The following LEPR variants were observed in gnomAD, a reference collection of about 807,000 sequenced individuals.
LEPR encodes OB receptor.
Under a neutral mutation model 114.7 loss-of-function variants are expected in LEPR, and 56 were observed. That is an observed-to-expected ratio of 0.49 (90% confidence interval 0.39 to 0.61). The LOEUF (loss-of-function observed/expected upper bound fraction) is 0.61. LEPR is among the 20% of genes least tolerant of loss of function. The pLI is 0.00. For missense variants in LEPR, 1,202 were observed against 1,352.9 expected (o/e 0.89, Z 1.75); for synonymous variants, 443 against 461.4 (o/e 0.96, Z 0.51).
chr1:65,635,306 T>C, intron 19 of LEPR: 2 of 982,962 alleles, frequency 2.0e-6, no homozygotes, highest in Non-Finnish European at 2.4e-6. Flanking sequence ...TATTTTGCAT[T>C]TGTTTTTTCA....
intron 2 of LEPR, 68 bp from the exon 3 acceptor site, chr1:65,565,478 C>A: frequency 6.7e-7 from 1 of 1,494,348 alleles, no homozygotes; most frequent in Middle Eastern, 1.8e-4. Context: ...TTATGTTTTC[C>A]ACAGACAACT....
chr1:65,534,595 A>G (rs541373699), intron 2 of LEPR, among the ~76,000 whole-genome samples: 1 of 152,304 alleles, frequency 6.6e-6, no homozygotes, highest in African/African-American at 2.4e-5. Flanking sequence ...TAGTAAGTAT[A>G]TGGAAAAAAA....
In LEPR at chr1:65,621,265, C is replaced by T. The variant is rs1570840002; in HGVS notation, c.2492-88C>T. Reference sequence around the variant, plus strand: ...GGTAATAAGAGATTTGTGATGAATTCAGAAAATGTCTACTATAATTTTTGA... The same window carrying T: ...GGTAATAAGAGATTTGTGATGAATTTAGAAAATGTCTACTATAATTTTTGA... On this transcript the variant is annotated intron_variant, in intron 17 of 19. Coordinates refer to ENST00000349533, the MANE Select transcript of LEPR (RefSeq NM_002303.6). The T allele has an allele frequency of 5.4e-6, 6 of 1,116,390 alleles. No individual in the cohort carries two copies. In the East Asian group the frequency reaches 1.5e-4, roughly 28 times the overall value. The allele number at this position is 1,116,390 out of a possible 1,614,324, so 69.2% of individuals were successfully genotyped here.
intron 2 of LEPR, among the ~76,000 whole-genome samples, chr1:65,438,987 G>A (rs571736053): frequency 6.6e-6 from 1 of 152,128 alleles, no homozygotes; most frequent in East Asian, 1.9e-4. Flanking sequence ...TCTTTATTTG[G>A]ACTGAGAGAT....
intron 2 of LEPR, among the ~76,000 whole-genome samples, chr1:65,550,630 C>G (rs1051401617): frequency 1.3e-5 from 2 of 152,146 alleles, no homozygotes; most frequent in African/African-American, 4.8e-5. Context: ...CAAGTGCGGG[C>G]TATAATTCTC....
chr1:65,520,053 C>T (rs2490323), intron 2 of LEPR, among the ~76,000 whole-genome samples: 38,277 of 151,868 alleles, frequency 0.25, 6,083 homozygotes, highest in African/African-American at 0.44. Context: ...TAAGTAGAGA[C>T]GGGGTTTCAC....
chr1:65,492,161 A>G (rs1418138638), intron 2 of LEPR, among the ~76,000 whole-genome samples: 2 of 152,072 alleles, frequency 1.3e-5, no homozygotes, highest in African/African-American at 4.8e-5. Context: ...TTCTGTGCAC[A>G]AGTGGGGGTA....
chr1:65,601,190 A>C (rs988624381), intron 8 of LEPR, among the ~76,000 whole-genome samples: 20 of 151,926 alleles, frequency 1.3e-4, no homozygotes, highest in Non-Finnish European at 1.6e-4. Flanking sequence ...TGGAAGCTCA[A>C]CTCACTTTAG....
intron 2 of LEPR, among the ~76,000 whole-genome samples, chr1:65,484,973 C>A (rs1647412416): frequency 6.6e-6 from 1 of 152,136 alleles, no homozygotes; most frequent in Admixed American, 6.6e-5. Context: ...ATCTTTCAGA[C>A]AACTAAATTC....
chr1:65,441,364 G>A (rs1461653431), intron 2 of LEPR, among the ~76,000 whole-genome samples: 1 of 152,140 alleles, frequency 6.6e-6, no homozygotes, highest in South Asian at 2.1e-4. Flanking sequence ...GACCCTAGGA[G>A]CTGACTTTGG....
chr1:65,638,765 A>T lies in LEPR; in HGVS notation c.*1750A>T, dbSNP rs558044779. The T allele has an allele frequency of 6.6e-6, 1 of 152,184 alleles. No homozygotes were observed. The highest frequency in any genetic ancestry group is 1.9e-4 in the East Asian group (1 of 5,172). 9.4% of individuals were successfully genotyped at this position (152,184 alleles called of 1,614,324 possible). A position where few individuals can be genotyped will look rare whatever the true frequency, so the allele number is the denominator to read the frequency against. ...CAGGATCTCACATACTCAACTAATG[A>T]CCCCCTTACAAGAAATAGGTAAAGG... is the stretch of plus-strand genomic sequence containing the variant. On this transcript the variant is annotated 3_prime_UTR_variant, in exon 20 of 20. Transcript: ENST00000349533.
chr1:65,529,193 T>G (rs1401195120), intron 2 of LEPR, among the ~76,000 whole-genome samples: 1 of 152,040 alleles, frequency 6.6e-6, no homozygotes, highest in Admixed American at 6.5e-5. Context: ...GATTAAGGGA[T>G]TTCTTCTCTC....
chr1:65,600,392 G>A (rs1475518048), intron 8 of LEPR, among the ~76,000 whole-genome samples: 1 of 152,036 alleles, frequency 6.6e-6, no homozygotes, highest in African/African-American at 2.4e-5. Flanking sequence ...CAAATGTTTT[G>A]TATGAATTGT....
In LEPR at chr1:65,574,953, G is replaced by T. The variant is rs138144397; in HGVS notation, c.494+2504G>T. On this transcript the variant is annotated intron_variant, in intron 5 of 19. Transcript: ENST00000349533. Reference sequence around the variant, plus strand: ...AGAACAAAGGGAAACTTGAAGAAAGGACCCGGAAGAGCTGATCTTTATGCT... The same window carrying T: ...AGAACAAAGGGAAACTTGAAGAAAGTACCCGGAAGAGCTGATCTTTATGCT... Among the ~76,000 whole-genome samples the T allele has an allele frequency of 1.2e-3, 183 of 152,286 alleles. 2 individuals are homozygous for T. The highest frequency in any genetic ancestry group is 4.1e-3 in the African/African-American group (169 of 41,572).
chr1:65,430,158 G>A (rs991957788), intron 2 of LEPR: 34 of 982,078 alleles, frequency 3.5e-5, no homozygotes, highest in African/African-American at 5.0e-5. Flanking sequence ...ACTCAAGGCC[G>A]TGTGTTTTTA....
intron 2 of LEPR, among the ~76,000 whole-genome samples, chr1:65,443,661 T>C (rs1340690184): frequency 6.6e-6 from 1 of 152,168 alleles, no homozygotes; most frequent in Non-Finnish European, 1.5e-5. Flanking sequence ...CATCTCGGTC[T>C]TCTTTTGGAA....
chr1:65,545,673 A>T (rs1210433748), intron 2 of LEPR, among the ~76,000 whole-genome samples: 2 of 152,204 alleles, frequency 1.3e-5, no homozygotes, highest in African/African-American at 4.8e-5. Context: ...CTTCTTGTAA[A>T]TTAGTTTGAG....
chr1:65,516,278 C>CA (rs547130320), intron 2 of LEPR, among the ~76,000 whole-genome samples: 38 of 151,988 alleles, frequency 2.5e-4, no homozygotes, highest in African/African-American at 8.9e-4. Context: ...ACTAAAAATA[C>CA]AAAAAAATTA....
At chr1:65,541,098 C>T (rs1651163616) in intron 2 of LEPR, among the ~76,000 whole-genome samples, 1 of 152,180 alleles carries the variant, frequency 6.6e-6, no homozygotes, top group Non-Finnish European at 1.5e-5. Context: ...GCTGGGATTA[C>T]AAGCATGAGC....
Sources: allele counts gnomAD v4.1 joint callset (sites outside exome capture counted in the v4.1 genomes callset), GRCh38; gene constraint gnomAD v4.1.1; transcripts MANE v1.5; gene names NCBI Gene and HGNC (gene_info 2026-07-23, HGNC 2026-07-21).